The following NCR3LG1 variants were observed in gnomAD, a reference collection of about 807,000 sequenced individuals.
NCR3LG1 encodes natural killer cell cytotoxicity receptor 3 ligand 1.
Under a neutral mutation model 34.8 loss-of-function variants are expected in NCR3LG1, and 35 were observed. The observed-to-expected ratio is 1.01, with a 90% CI of 0.77 to 1.33. The LOEUF is 1.33. Ranked by LOEUF, NCR3LG1 falls within the 40% of genes most tolerant of loss-of-function variation. The pLI is 0.00. For synonymous variants in NCR3LG1, 173 were observed against 163.6 expected (o/e 1.06, Z -0.44); for missense variants, 452 against 423.3 (o/e 1.07, Z -0.60).
At chr11:17,368,841 C>A in intron 3 of NCR3LG1, 26 bp from the exon 4 acceptor site, 1 of 1,456,674 alleles carries the variant, frequency 6.9e-7, no homozygotes, top group South Asian at 1.2e-5. Context: ...AGGTTTCCTG[C>A]TAATGTTTTC....
rs750044426 is a variant in NCR3LG1, at chr11:17,372,138, C to T, written c.991C>T (p.Leu331=). Residue 331 remains leucine, a synonymous_variant, in exon 5 of 5, where the codon CTG becomes TTG. Coordinates refer to ENST00000338965, the MANE Select transcript of NCR3LG1 (RefSeq NM_001202439.3). The part of the protein sequence containing the change: ...FCTRAWPSYQ[L]QDGEAWPPEG... ...CACTCGGGCATGGCCGTCTTACCAG[C>T]TGCAGGATGGGGAGGCTTGGCCTCC... The T allele has an allele frequency of 2.8e-6, 2 of 703,032 alleles. No individual in the cohort carries two copies. The highest frequency in any genetic ancestry group is 3.0e-5 in the South Asian group (2 of 67,602). The allele number at this position is 703,032 out of a possible 1,614,324, so 43.5% of individuals were successfully genotyped here.
Position 17,356,762 on chromosome 11 carries a change from T to A in NCR3LG1, c.182T>A (p.Met61Lys), listed in dbSNP as rs1442548033. ...FYSQPLNITSMGITWFWKSLT... is the reference protein window; with the variant it reads ...FYSQPLNITSKGITWFWKSLT... ...TCCCAACCCCTCAACATCACGTCTATGGGTATCACCTGGTTTTGGAAGAGT... is the reference window on the plus strand; with the variant it reads ...TCCCAACCCCTCAACATCACGTCTAAGGGTATCACCTGGTTTTGGAAGAGT... Residue 61 changes from methionine (M) to lysine (K), a missense_variant, in exon 2 of 5, where the codon ATG (methionine) becomes AAG (lysine). Coordinates refer to ENST00000338965, the MANE Select transcript of NCR3LG1 (RefSeq NM_001202439.3). 1 of 1,536,410 alleles carries A rather than the reference T, an allele frequency of 6.5e-7. No homozygotes were observed. The highest frequency in any genetic ancestry group is 8.7e-7 in the Non-Finnish European group (1 of 1,146,956).
intron 4 of NCR3LG1, among the ~76,000 whole-genome samples, chr11:17,369,221 C>T (rs961478576): frequency 5.9e-5 from 9 of 152,148 alleles, no homozygotes; most frequent in Non-Finnish European, 1.3e-4. Context: ...GTAAAGCCTC[C>T]CTCTCTTTCT....
chr11:17,378,061 C>G (rs900681073), downstream of NCR3LG1, among the ~76,000 whole-genome samples: 23 of 152,144 alleles, frequency 1.5e-4, no homozygotes, highest in Non-Finnish European at 2.8e-4. Flanking sequence ...AAAATCAGTA[C>G]TTAATATTTC....
At chr11:17,379,623 A>T (rs1049682528), downstream of NCR3LG1, among the ~76,000 whole-genome samples, 1 of 152,224 alleles carries the variant, frequency 6.6e-6, no homozygotes, top group African/African-American at 2.4e-5. Flanking sequence ...TTGTTGCTCC[A>T]GTGGAGGCCA....
At chr11:17,356,361 TCTCCTGAC>T (rs1953205115) in intron 1 of NCR3LG1, among the ~76,000 whole-genome samples, 1 of 151,880 alleles carries the variant, frequency 6.6e-6, no homozygotes. Context: ...ATGGTCTCAA[TCTCCTGAC>T]CTCATGACCT....
chr11:17,380,789 C>T (rs4757511), downstream of NCR3LG1: 1 of 152,098 alleles, frequency 6.6e-6, no homozygotes, highest in Admixed American at 6.5e-5. Flanking sequence ...TGTGCCTGGC[C>T]TAGTATTGGT....
intron 2 of NCR3LG1, among the ~76,000 whole-genome samples, chr11:17,358,185 T>C (rs1953232277): frequency 6.6e-6 from 1 of 152,258 alleles, no homozygotes; most frequent in African/African-American, 2.4e-5. Context: ...ATTGACATTT[T>C]ACTATAATGA....
rs993492163 is a variant in NCR3LG1 at position 17,374,401 on chromosome 11, A to C, written c.*1889A>C. The C allele has an allele frequency of 1.3e-5, 2 of 152,200 alleles. No individual in the cohort carries two copies. The highest frequency in any genetic ancestry group is 4.8e-5 in the African/African-American group (2 of 41,452). 9.4% of individuals were successfully genotyped at this position (152,200 alleles called of 1,614,324 possible). On this transcript the variant is annotated 3_prime_UTR_variant, in exon 5 of 5. Transcript: ENST00000338965. ...ACCTATTTGGGCAAGTATTGTCAAG[A>C]GATCTCTTCGAATTCTTCCATTCTC...
rs1225198638 is a variant in NCR3LG1 at position 17,366,997 on chromosome 11, T to C, written c.422-12T>C. ...CTGGGCCCAACTCTGTATGATTTTT[T>C]TTCCCTGACAGCTTCCCCAGCCAGC... On this transcript the variant is annotated splice_polypyrimidine_tract_variant and intron_variant, in intron 2 of 4. Coordinates refer to ENST00000338965, the MANE Select transcript of NCR3LG1 (RefSeq NM_001202439.3). The C allele has an allele frequency of 4.6e-6, 7 of 1,526,032 alleles. No homozygotes were observed. The highest frequency in any genetic ancestry group is 5.3e-6 in the Non-Finnish European group (6 of 1,140,416). The allele number at this position is 1,526,032 out of a possible 1,614,324, so 94.5% of individuals were successfully genotyped here. A position where few individuals can be genotyped will look rare whatever the true frequency, so the allele number is the denominator to read the frequency against.
chr11:17,362,813 T>TCTTC (rs1353852288), intron 2 of NCR3LG1, among the ~76,000 whole-genome samples: 12 of 148,994 alleles, frequency 8.1e-5, no homozygotes, highest in African/African-American at 2.5e-4. Context: ...TTTCTTTCTT[T>TCTTC]CTTTCTTCCT....
chr11:17,367,452 C>A (rs1250132683), intron 3 of NCR3LG1, 105 bp downstream of exon 3: 3 of 1,002,666 alleles, frequency 3.0e-6, no homozygotes, highest in Admixed American at 5.6e-5. Flanking sequence ...GAAGGGGAAA[C>A]AGAGAAAGCT....
chr11:17,362,912 C>T (rs1324901724), intron 2 of NCR3LG1, among the ~76,000 whole-genome samples: 1 of 118,680 alleles, frequency 8.4e-6, no homozygotes, highest in Non-Finnish European at 1.7e-5. Flanking sequence ...CTTCCCTTCC[C>T]TTCCCTTCCC....
At chr11:17,378,630 G>A (rs1425056105), downstream of NCR3LG1, among the ~76,000 whole-genome samples, 2 of 152,172 alleles carry the variant, frequency 1.3e-5, no homozygotes, top group African/African-American at 4.8e-5. Flanking sequence ...GCAGCCAGGA[G>A]TGGTCATCGT....
At chr11:17,377,905 A>G (rs1048140494), downstream of NCR3LG1, among the ~76,000 whole-genome samples, 13 of 152,198 alleles carry the variant, frequency 8.5e-5, no homozygotes, top group African/African-American at 3.1e-4. Flanking sequence ...AAAGAGGTCT[A>G]TCATTTCCAT....
At chr11:17,370,406 G>T (rs1156798921) in intron 4 of NCR3LG1, among the ~76,000 whole-genome samples, 1 of 152,204 alleles carries the variant, frequency 6.6e-6, no homozygotes, top group Non-Finnish European at 1.5e-5. Flanking sequence ...CATTGGAAGG[G>T]TGAGTAGGAG....
At chr11:17,352,154 T>C in intron 1 of NCR3LG1, 115 bp downstream of exon 1, 1 of 555,420 alleles carries the variant, frequency 1.8e-6, no homozygotes, top group South Asian at 2.4e-5. Flanking sequence ...CTGAGAGCTC[T>C]ATTTTCTTTT....
intron 3 of NCR3LG1, among the ~76,000 whole-genome samples, chr11:17,368,551 C>T (rs1238561483): frequency 6.6e-6 from 1 of 151,864 alleles, no homozygotes; most frequent in Non-Finnish European, 1.5e-5. Flanking sequence ...ATGTATGGTA[C>T]GAGGGGTTGT....
At chr11:17,353,665 A>G (rs923741630) in intron 1 of NCR3LG1, among the ~76,000 whole-genome samples, 1 of 152,200 alleles carries the variant, frequency 6.6e-6, no homozygotes, top group Non-Finnish European at 1.5e-5. Context: ...TTCTCAGGGA[A>G]GCGGAGAGGG....
Sources: gnomAD v4.1 joint callset for allele counts (sites outside exome capture counted in the v4.1 genomes callset) on GRCh38, gnomAD v4.1.1 for gene constraint, MANE v1.5 for transcripts, NCBI Gene and HGNC (gene_info 2026-07-23, HGNC 2026-07-21) for gene names.